SLC45A4: variants seen among roughly 807,000 people sequenced by gnomAD.
SLC45A4 encodes the protein polyamine-transporter SLC45A4.
A neutral mutation model predicts 63.7 loss-of-function variants in SLC45A4; 32 were observed. That is an observed-to-expected ratio of 0.50 (90% CI 0.38 to 0.67). The LOEUF (loss-of-function observed/expected upper bound fraction) is 0.67. Among genes scored for constraint, SLC45A4 ranks in the 30% least tolerant of loss-of-function variants. SLC45A4 has a pLI of 0.00. For missense variants in SLC45A4, 1,027 were observed against 1,157.7 expected, an observed-to-expected ratio of 0.89 and a Z score of 1.64; for synonymous variants, 535 against 510.0, an observed-to-expected ratio of 1.05 and a Z score of -0.66.
At chr8:141,247,970 A>G (rs781198080) in intron 2 of SLC45A4, among the ~76,000 whole-genome samples, 1 of 152,174 alleles carries the variant, frequency 6.6e-6, no homozygotes, top group Non-Finnish European at 1.5e-5. Context: ...GAATCCCTCA[A>G]CTCTTACGGT....
In SLC45A4 at chr8:141,229,818, C is replaced by G. The variant is rs78314799; in HGVS notation, c.242-8053G>C. On this transcript the variant is annotated intron_variant, in intron 2 of 8. Coordinates refer to ENST00000517878, the MANE Select transcript of SLC45A4 (RefSeq NM_001286646.2). The surrounding 1 kb of genome is among the most constrained non-coding windows in gnomAD (Gnocchi z 5.0). ...CTCTGAGCTTGCAGCCCACCCCACTCTGGCTGCGGGACTTTGGAGCAGCTT... is the reference window on the plus strand; with the variant it reads ...CTCTGAGCTTGCAGCCCACCCCACTGTGGCTGCGGGACTTTGGAGCAGCTT... 0.015 allele frequency among the ~76,000 whole-genome samples: 2,210 copies of G among 152,280 alleles called. 27 individuals are homozygous for G. Among genetic ancestry groups the G allele is most frequent in the South Asian group, 0.054 (261 of 4,824 alleles).
chr8:141,214,435 A>G (rs578200679), intron 7 of SLC45A4, among the ~76,000 whole-genome samples: 24 of 152,224 alleles, frequency 1.6e-4, no homozygotes, highest in Non-Finnish European at 3.4e-4. Flanking sequence ...CTGAGGATTA[A>G]TAATAGAAGG....
intron 1 of SLC45A4, among the ~76,000 whole-genome samples, chr8:141,300,541 C>T (rs1272362060): frequency 6.6e-6 from 1 of 152,248 alleles, no homozygotes; most frequent in Non-Finnish European, 1.5e-5. Flanking sequence ...TCCCAACCCA[C>T]CCCATGGCCC....
rs1828627537 is a variant in SLC45A4, at chr8:141,253,633, T to C, written c.241+356A>G. 2.6e-5 allele frequency among the ~76,000 whole-genome samples: 4 copies of C among 152,222 alleles called. No individual in the cohort carries two copies. The South Asian group carries it at 8.3e-4, about 32-fold the overall frequency. Reference sequence around the variant, plus strand: ...TGACACAGCCAGTGACTGTCAGTGCTGGCGACCCTGCCCTTTGCCTCGTTG... The same window carrying C: ...TGACACAGCCAGTGACTGTCAGTGCCGGCGACCCTGCCCTTTGCCTCGTTG... On this transcript the variant is annotated intron_variant, in intron 2 of 8. Transcript: ENST00000517878.
At chr8:141,213,190 C>T (rs781029592) in intron 7 of SLC45A4, among the ~76,000 whole-genome samples, 8 of 114,800 alleles carry the variant, frequency 7.0e-5, no homozygotes, top group African/African-American at 2.0e-4. Context: ...AGATGGTTAT[C>T]TACCTTTCAG....
At chr8:141,238,123 TG>T (rs1827721195) in intron 2 of SLC45A4, among the ~76,000 whole-genome samples, 1 of 152,198 alleles carries the variant, frequency 6.6e-6, no homozygotes, top group Non-Finnish European at 1.5e-5. Context: ...TGCTGCTCCG[TG>T]GACGCCTAGG....
In SLC45A4 at chr8:141,219,831, T is replaced by C; in HGVS notation, c.431-2A>G. The C allele has an allele frequency of 6.4e-7, 1 of 1,573,802 alleles. No homozygotes were observed. The highest frequency in any genetic ancestry group is 8.6e-7 in the Non-Finnish European group (1 of 1,160,992). ...TGGGGACATCGCCGAGGGCCAGACC[T>C]GCGCAGAGCACACGGGAGGGCGGTC... On this transcript the variant is annotated splice_acceptor_variant, in intron 3 of 8. Coordinates refer to ENST00000517878, the MANE Select transcript of SLC45A4 (RefSeq NM_001286646.2). LOFTEE classifies it high-confidence loss of function.
rs914555352 is a variant in SLC45A4 at position 141,211,237 on chromosome 8, G to A, written c.*335C>T. On this transcript the variant is annotated 3_prime_UTR_variant, in exon 9 of 9. Coordinates refer to ENST00000517878, the MANE Select transcript of SLC45A4 (RefSeq NM_001286646.2). Reference sequence around the variant, plus strand: ...GAATCAAAGTGCAGTGAAAGTCAACGTTTCCTTCCCCCTGACGTTGGGAGC... The same window carrying A: ...GAATCAAAGTGCAGTGAAAGTCAACATTTCCTTCCCCCTGACGTTGGGAGC... 9.0e-6 allele frequency: 4 copies of A among 444,298 alleles called. No individual in the cohort carries two copies. Among genetic ancestry groups the A allele is most frequent in the Admixed American group, 8.6e-5 (2 of 23,168 alleles). The allele number at this position is 444,298 out of a possible 1,614,324, so 27.5% of individuals were successfully genotyped here.
rs530001549 is a variant in SLC45A4, at chr8:141,300,488, G to A, written c.-401+7608C>T. Among the ~76,000 whole-genome samples the A allele has an allele frequency of 5.3e-5, 8 of 152,312 alleles. No homozygotes were observed. The East Asian group carries it at 1.2e-3, about 22-fold the overall frequency. ...ATTCTCAGGGATGCCAAGTGTCAACGCCCCGGACCAGCCTCATCTGGTTCT... is the reference window on the plus strand; with the variant it reads ...ATTCTCAGGGATGCCAAGTGTCAACACCCCGGACCAGCCTCATCTGGTTCT... On this transcript the variant is annotated intron_variant, in intron 1 of 8. Coordinates refer to ENST00000517878, the MANE Select transcript of SLC45A4 (RefSeq NM_001286646.2).
chr8:141,305,763 C>T (rs771575151), intron 1 of SLC45A4, among the ~76,000 whole-genome samples: 3 of 152,116 alleles, frequency 2.0e-5, no homozygotes, highest in Admixed American at 2.0e-4. Context: ...ACAATCACAG[C>T]CCGAACCCCT....
chr8:141,254,300 G>T lies in SLC45A4; in HGVS notation c.-71C>A. ...AATAATGCTTTCATATATCTGTAAT[G>T]ATAAATTAAGACGTCTTCTCTTTCT... is the stretch of plus-strand genomic sequence containing the variant. On this transcript the variant is annotated 5_prime_UTR_variant, in exon 2 of 9. Coordinates refer to ENST00000517878, the MANE Select transcript of SLC45A4 (RefSeq NM_001286646.2). This position sits in a 1 kb window ranked among gnomAD's most constrained non-coding sequence, Gnocchi z 4.5. 7.2e-7 allele frequency: 1 copy of T among 1,397,020 alleles called. No homozygotes were observed. The highest frequency in any genetic ancestry group is 1.5e-5 in the South Asian group (1 of 66,748). 86.5% of individuals were successfully genotyped at this position (1,397,020 alleles called of 1,614,324 possible). A position where few individuals can be genotyped will look rare whatever the true frequency, so the allele number is the denominator to read the frequency against.
At chr8:141,277,816 AT>A (rs1026216023) in intron 1 of SLC45A4, among the ~76,000 whole-genome samples, 5 of 151,082 alleles carry the variant, frequency 3.3e-5, no homozygotes, top group South Asian at 2.1e-4. Context: ...ATTTTTTTGT[AT>A]TTTTTTTGTA....
At chr8:141,260,129 G>A (rs1209947272) in intron 1 of SLC45A4, among the ~76,000 whole-genome samples, 1 of 152,188 alleles carries the variant, frequency 6.6e-6, no homozygotes, top group Non-Finnish European at 1.5e-5. Context: ...CAGGGGCACA[G>A]TACACGGATT....
intron 2 of SLC45A4, among the ~76,000 whole-genome samples, chr8:141,249,931 C>T (rs1452196307): frequency 6.6e-6 from 1 of 152,196 alleles, no homozygotes; most frequent in Non-Finnish European, 1.5e-5. Flanking sequence ...TTCATGATTC[C>T]TGCTCTCCTG....
intron 2 of SLC45A4, among the ~76,000 whole-genome samples, chr8:141,247,789 G>C (rs1828288798): frequency 6.6e-6 from 1 of 152,148 alleles, no homozygotes; most frequent in Non-Finnish European, 1.5e-5. Context: ...ATCAATCGTT[G>C]TATCAGGAAC....
intron 2 of SLC45A4, 110 bp from the exon 3 acceptor site, chr8:141,221,875 G>C (rs768526030): frequency 1.1e-5 from 12 of 1,126,004 alleles, no homozygotes; most frequent in Non-Finnish European, 1.4e-5. Flanking sequence ...GCACGCATGC[G>C]CACATCCCCT....
rs1415025768 is a variant in SLC45A4, at chr8:141,212,485, C to T, written c.2013G>A (p.Val671=). 2 of 1,613,942 alleles carry T rather than the reference C, an allele frequency of 1.2e-6. No homozygotes were observed. Among genetic ancestry groups the T allele is most frequent in the Non-Finnish European group, 1.7e-6 (2 of 1,180,018 alleles). The part of the protein sequence containing the change: ...GIDCAILSCQ[V]YISQILVASA... ...AGGCCACCAGGATCTGCGAGATGTA[C>T]ACTTGGCAGGACAGGATGGCACAAT... The change falls in exon 8 of 9, where the codon GTG becomes GTA. Residue 671 remains valine, a synonymous_variant. Transcript: ENST00000517878.
At position 141,218,496 on chromosome 8, in the gene SLC45A4, T is replaced by C. The variant is rs774350808; in HGVS notation, c.1144A>G (p.Lys382Glu). The C allele has an allele frequency of 5.6e-6, 9 of 1,613,296 alleles. No individual in the cohort carries two copies. Among genetic ancestry groups the C allele is most frequent in the Non-Finnish European group, 7.6e-6 (9 of 1,179,948 alleles). Residue 382 changes from lysine (K) to glutamate (E), a missense_variant, in exon 5 of 9, where the codon AAA (lysine) becomes GAA (glutamate). Lys to Glu is a moderately conservative substitution (Grantham distance 56). Coordinates refer to ENST00000517878, the MANE Select transcript of SLC45A4 (RefSeq NM_001286646.2). ...GGGGAGCCACTTCCGTTTGGGACTT[T>C]AGCTTCATTCAAGTGATTATCCAGC... ...TLLDNHLNEA[K>E]VPNGSGSPTK...
chr8:141,295,080 G>T (rs572927067), intron 1 of SLC45A4, among the ~76,000 whole-genome samples: 10 of 152,238 alleles, frequency 6.6e-5, no homozygotes, highest in Non-Finnish European at 1.2e-4. Context: ...TGGCAGAGGG[G>T]TGTGGACATT....
Sources: gnomAD v4.1 joint callset for allele counts (sites outside exome capture counted in the v4.1 genomes callset) on GRCh38, gnomAD v4.1.1 for gene constraint, Gnocchi (gnomAD v3.1) non-coding constraint, MANE v1.5 for transcripts, NCBI Gene and HGNC (gene_info 2026-07-23, HGNC 2026-07-21) for gene names.